Variants in ARGFX observed in about 807,000 individuals in gnomAD.
ARGFX encodes arginine-fifty homeobox.
A neutral mutation model predicts 8.0 loss-of-function variants in ARGFX; 10 were observed. The ratio of observed to expected loss-of-function variants is 1.25; its 90% confidence interval spans 0.77 to 2.12. ARGFX has a LOEUF of 2.12. ARGFX is among the 30% of genes most tolerant of loss of function. The pLI is 0.00. For synonymous variants in ARGFX, 116 were observed against 117.8 expected (o/e 0.98, Z 0.10); for missense variants, 282 against 324.3 (o/e 0.87, Z 1.00).
intron 4 of ARGFX, among the ~76,000 whole-genome samples, 191 bp from the exon 5 acceptor site, chr3:121,585,831 G>T (rs1474875867): frequency 6.6e-6 from 1 of 151,916 alleles, no homozygotes; most frequent in East Asian, 1.9e-4. Flanking sequence ...TCCTTTCTGG[G>T]GTCCCAGACC....
At chr3:121,580,317 A>G (rs2048770586) in intron 3 of ARGFX, among the ~76,000 whole-genome samples, 1 of 151,436 alleles carries the variant, frequency 6.6e-6, no homozygotes, top group Non-Finnish European at 1.5e-5. Context: ...TAATTTTTGT[A>G]TTTTTAGTAG....
chr3:121,570,732 C>G lies in ARGFX; in HGVS notation c.19C>G (p.Pro7Ala), dbSNP rs1172860551. ...AGAAACCATGAGGAACAGAATGGCC[C>G]CAGAGAATCCCCAGCCAGACCCTTT... MRNRMA[P>A]ENPQPDPFIN... is the part of the protein sequence containing the mutation. Residue 7 changes from proline to alanine, a missense_variant, in exon 2 of 5, where the codon CCA becomes GCA. Pro to Ala is a conservative substitution (Grantham distance 27). Transcript: ENST00000334384. 6.2e-7 allele frequency: 1 copy of G among 1,609,866 alleles called. No homozygotes were observed. The highest frequency in any genetic ancestry group is 1.3e-5 in the African/African-American group (1 of 74,652).
In ARGFX at chr3:121,586,657, A is replaced by G. The variant is rs971605406; in HGVS notation, c.*57A>G. On this transcript the variant is annotated 3_prime_UTR_variant, in exon 5 of 5. Transcript: ENST00000334384. ...AAAGTGGTCTTCTTGCCTCTTGTACATGACTGTTTTTTTCCTTTGTCTCAT... is the reference window on the plus strand; with the variant it reads ...AAAGTGGTCTTCTTGCCTCTTGTACGTGACTGTTTTTTTCCTTTGTCTCAT... 2.2e-6 allele frequency: 3 copies of G among 1,395,152 alleles called. No individual in the cohort carries two copies. Among genetic ancestry groups the G allele is most frequent in the Non-Finnish European group, 2.9e-6 (3 of 1,025,048 alleles). The allele number at this position is 1,395,152 out of a possible 1,614,324, so 86.4% of individuals were successfully genotyped here.
At chr3:121,583,584 C>T (rs965638861) in intron 3 of ARGFX, among the ~76,000 whole-genome samples, 6 of 151,680 alleles carry the variant, frequency 4.0e-5, no homozygotes, top group Admixed American at 6.6e-5. Flanking sequence ...AGTTATTATG[C>T]GGTGACAATC....
chr3:121,586,619 T>C lies in ARGFX; in HGVS notation c.*19T>C, dbSNP rs1418950269. The C allele has an allele frequency of 2.5e-6, 4 of 1,568,958 alleles. No individual in the cohort carries two copies. Among genetic ancestry groups the C allele is most frequent in the Non-Finnish European group, 8.7e-7 (1 of 1,156,016 alleles). On this transcript the variant is annotated 3_prime_UTR_variant, in exon 5 of 5. Transcript: ENST00000334384. ...TCTCTGACCAGAGTACTAATAAATATAGATCATTTAGAAAAGTGGTCTTCT... is the reference window on the plus strand; with the variant it reads ...TCTCTGACCAGAGTACTAATAAATACAGATCATTTAGAAAAGTGGTCTTCT...
In ARGFX at chr3:121,586,946, G is replaced by T. The variant is rs1037978820; in HGVS notation, c.*346G>T. The stretch of plus-strand genomic sequence containing the variant: ...ATTCTGTCACCCAGGCTGGAATACA[G>T]TGGTACAGTCACGGCTCACAAAAGC... On this transcript the variant is annotated 3_prime_UTR_variant, in exon 5 of 5. Transcript: ENST00000334384. 4.6e-5 allele frequency among the ~76,000 whole-genome samples: 7 copies of T among 152,134 alleles called. No homozygotes were observed. Among genetic ancestry groups the T allele is most frequent in the African/African-American group, 1.7e-4 (7 of 41,408 alleles).
rs139544121 is a variant in ARGFX, at chr3:121,580,681, C to T, written c.220+3781C>T. 9.9e-3 allele frequency among the ~76,000 whole-genome samples: 1,451 copies of T among 146,358 alleles called. 23 individuals are homozygous for T. The highest frequency in any genetic ancestry group is 0.034 in the African/African-American group (1,347 of 39,930). ...GTGCAGTGGTGCGGACTTGACTCAC[C>T]GCAACCTCCGCCTCCTGGGTTCAAG... On this transcript the variant is annotated intron_variant, in intron 3 of 4. Transcript: ENST00000334384.
intron 3 of ARGFX, among the ~76,000 whole-genome samples, chr3:121,582,799 G>A (rs554848077): frequency 7.2e-5 from 11 of 152,138 alleles, no homozygotes; most frequent in African/African-American, 2.6e-4. Flanking sequence ...TTGATCTCCT[G>A]GGTTAAAGTG....
chr3:121,569,063 C>CGTCACCCAATA (rs1260841925), intron 1 of ARGFX, among the ~76,000 whole-genome samples: 4 of 152,060 alleles, frequency 2.6e-5, no homozygotes, highest in Non-Finnish European at 2.9e-5. Context: ...ATGATAAATG[C>CGTCACCCAATA]GTGACGTGTT....
rs1323905357 is a variant in ARGFX, at chr3:121,589,268, C to T, written c.*2668C>T. ...CAACAAACCAAAACATGGGATGAAG[C>T]TAAATCAATGCTTAGAAGGAAATTT... is the stretch of plus-strand genomic sequence containing the variant. On this transcript the variant is annotated 3_prime_UTR_variant, in exon 5 of 5. Transcript: ENST00000334384. 6.6e-6 allele frequency among the ~76,000 whole-genome samples: 1 copy of T among 152,008 alleles called. No homozygotes were observed.
At chr3:121,580,228 C>T (rs1030121809) in intron 3 of ARGFX, among the ~76,000 whole-genome samples, 8 of 151,652 alleles carry the variant, frequency 5.3e-5, no homozygotes, top group Admixed American at 1.3e-4. Flanking sequence ...CTGCAACCTC[C>T]GCCTCCCGTG....
intron 2 of ARGFX, among the ~76,000 whole-genome samples, chr3:121,575,602 C>T (rs1232763845): frequency 1.3e-5 from 2 of 152,036 alleles, no homozygotes; most frequent in Admixed American, 1.3e-4. Context: ...CAGAGTGTCA[C>T]TCTCTGGCTC....
intron 2 of ARGFX, among the ~76,000 whole-genome samples, chr3:121,571,556 T>TTATTAA (rs2048708108): frequency 6.7e-6 from 1 of 149,302 alleles, no homozygotes; most frequent in African/African-American, 2.4e-5. Flanking sequence ...AGGCTTAATA[T>TTATTAA]TATTATTATT....
chr3:121,584,021 A>C (rs1179008642), intron 3 of ARGFX, among the ~76,000 whole-genome samples: 1 of 152,066 alleles, frequency 6.6e-6, no homozygotes, highest in African/African-American at 2.4e-5. Context: ...TGAAAGAAAA[A>C]GTTTTTTAAT....
In ARGFX at chr3:121,589,396, A is replaced by C. The variant is rs980700958; in HGVS notation, c.*2796A>C. On this transcript the variant is annotated 3_prime_UTR_variant, in exon 5 of 5. Coordinates refer to ENST00000334384, the MANE Select transcript of ARGFX (RefSeq NM_001012659.2). ...CTGTCAAATTAAACTTCAAGGCAAAACTTTTTTATTGAGATGGAGTCTTGC... is the reference window on the plus strand; with the variant it reads ...CTGTCAAATTAAACTTCAAGGCAAACCTTTTTTATTGAGATGGAGTCTTGC... Among the ~76,000 whole-genome samples, 1 of 152,028 alleles carries C rather than the reference A, an allele frequency of 6.6e-6. No individual in the cohort carries two copies.
chr3:121,577,496 C>T (rs1381834252), intron 3 of ARGFX, among the ~76,000 whole-genome samples: 4 of 151,106 alleles, frequency 2.6e-5, no homozygotes, highest in East Asian at 2.0e-4. Flanking sequence ...TCAAGTGATC[C>T]GCCCGCCTGC....
rs1175153457 is a variant in ARGFX at position 121,590,281 on chromosome 3, GA to G, written c.*3684del. Among the ~76,000 whole-genome samples the G allele has an allele frequency of 6.6e-6, 1 of 152,202 alleles. No homozygotes were observed. Among genetic ancestry groups the G allele is most frequent in the African/African-American group, 2.4e-5 (1 of 41,458 alleles). The stretch of plus-strand genomic sequence containing the variant: ...TGTGTCCCCCACAGCTCATGCGTTG[GA>G]AACTTAATCCCCAAAGCAACAGCTT... On this transcript the variant is annotated 3_prime_UTR_variant, in exon 5 of 5. Coordinates refer to ENST00000334384, the MANE Select transcript of ARGFX (RefSeq NM_001012659.2).
In ARGFX at chr3:121,587,178, A is replaced by C. The variant is rs954512036; in HGVS notation, c.*578A>C. Among the ~76,000 whole-genome samples, 2 of 151,978 alleles carry C rather than the reference A, an allele frequency of 1.3e-5. No individual in the cohort carries two copies. Among genetic ancestry groups the C allele is most frequent in the African/African-American group, 4.8e-5 (2 of 41,342 alleles). On this transcript the variant is annotated 3_prime_UTR_variant, in exon 5 of 5. Transcript: ENST00000334384. ...GTGATTCTCCTGTGTCAGCCTCCTG[A>C]GTAGCTGGGATTACAGGCGTGTGCC...
At position 121,577,141 on chromosome 3, in the gene ARGFX, CATAA is replaced by C. The variant is rs199927212; in HGVS notation, c.220+244_220+247del. 1.4e-3 allele frequency among the ~76,000 whole-genome samples: 191 copies of C among 132,924 alleles called. 1 individual carries two copies. In the East Asian group the frequency reaches 0.037, roughly 26 times the overall value. 87.2% of individuals were successfully genotyped at this position (132,924 alleles called of 152,430 possible). A position where few individuals can be genotyped will look rare whatever the true frequency, so the allele number is the denominator to read the frequency against. On this transcript the variant is annotated intron_variant, in intron 3 of 4. Transcript: ENST00000334384. ...TTTTGTAGTCTACTCTCTATATATT[CATAA>C]ATTATAATTTTGAGTTATAAAGAAA... is the stretch of plus-strand genomic sequence containing the variant.
Sources: gnomAD v4.1 joint callset for allele counts (sites outside exome capture counted in the v4.1 genomes callset) on GRCh38, gnomAD v4.1.1 for gene constraint, MANE v1.5 for transcripts, NCBI Gene and HGNC (gene_info 2026-07-23, HGNC 2026-07-21) for gene names.